PRUNE2: variants seen among roughly 807,000 people sequenced by gnomAD.
PRUNE2 encodes the protein protein prune homolog 2.
In PRUNE2, 164 loss-of-function variants were observed where a neutral mutation model predicts 252.0. That is an observed-to-expected ratio of 0.65 (90% CI 0.57 to 0.74). The LOEUF (loss-of-function observed/expected upper bound fraction) is 0.74. Among genes scored for constraint, PRUNE2 ranks in the 30% least tolerant of loss-of-function variants. PRUNE2 has a pLI of 0.00. For synonymous variants in PRUNE2, 1,292 were observed against 1,350.2 expected (o/e 0.96, Z 0.94); for missense variants, 3,495 against 3,711.0 (o/e 0.94, Z 1.51).
intron 6 of PRUNE2, among the ~76,000 whole-genome samples, chr9:76,736,082 T>C (rs1022609428): frequency 1.3e-5 from 2 of 152,192 alleles, no homozygotes; most frequent in Non-Finnish European, 2.9e-5. Flanking sequence ...ATACCAAATT[T>C]GCATAGCTGA....
At chr9:76,756,799 A>G (rs1035746703) in intron 6 of PRUNE2, among the ~76,000 whole-genome samples, 1 of 152,110 alleles carries the variant, frequency 6.6e-6, no homozygotes, top group African/African-American at 2.4e-5. Flanking sequence ...CACCAGGGAC[A>G]GGGGGGTGCC....
At chr9:76,790,959 T>A (rs1187890720) in intron 6 of PRUNE2, among the ~76,000 whole-genome samples, 3 of 152,240 alleles carry the variant, frequency 2.0e-5, no homozygotes, top group Non-Finnish European at 4.4e-5. Context: ...CTATTTGGAA[T>A]TCAAGTTTAA....
At chr9:76,795,954 A>AT (rs1379241575) in intron 6 of PRUNE2, among the ~76,000 whole-genome samples, 2 of 152,228 alleles carry the variant, frequency 1.3e-5, no homozygotes, top group African/African-American at 4.8e-5. Context: ...TTGGGACTAT[A>AT]AGACTACCGT....
chr9:76,861,559 T>TC (rs1035640232), intron 1 of PRUNE2, among the ~76,000 whole-genome samples: 18 of 151,930 alleles, frequency 1.2e-4, no homozygotes, highest in African/African-American at 4.4e-4. Flanking sequence ...AAGCCTCAGT[T>TC]CCCCCCGGTC....
At chr9:76,811,045 G>T (rs899139336) in intron 6 of PRUNE2, among the ~76,000 whole-genome samples, 2 of 152,132 alleles carry the variant, frequency 1.3e-5, no homozygotes. Context: ...GGAGGGGAGA[G>T]AGAATATAAA....
intron 9 of PRUNE2, among the ~76,000 whole-genome samples, chr9:76,655,943 T>G (rs1420485911): frequency 6.6e-6 from 1 of 152,230 alleles, no homozygotes; most frequent in Admixed American, 6.5e-5. Context: ...ATCTCAGTTT[T>G]CATTTGTAAA....
intron 4 of PRUNE2, among the ~76,000 whole-genome samples, chr9:76,843,201 T>C (rs758953731): frequency 2.0e-4 from 30 of 152,246 alleles, no homozygotes; most frequent in Non-Finnish European, 3.7e-4. Flanking sequence ...GAAACCACCA[T>C]TTCTCAGCAA....
At chr9:76,866,215 C>T (rs1244807213) in intron 1 of PRUNE2, among the ~76,000 whole-genome samples, 1 of 152,180 alleles carries the variant, frequency 6.6e-6, no homozygotes, top group South Asian at 2.1e-4. Context: ...AATTAGCTAC[C>T]AGGTGTTTCT....
chr9:76,832,211 G>A (rs2058709802), intron 4 of PRUNE2, among the ~76,000 whole-genome samples: 1 of 151,996 alleles, frequency 6.6e-6, no homozygotes. Context: ...GAACCAGCAG[G>A]AAAAAGTATG....
chr9:76,895,473 G>A lies in PRUNE2; in HGVS notation c.36+10455C>T, dbSNP rs148302765. 4.6e-3 allele frequency among the ~76,000 whole-genome samples: 706 copies of A among 152,306 alleles called. 6 individuals are homozygous for A. The highest frequency in any genetic ancestry group is 0.016 in the African/African-American group (661 of 41,568). ...CTCAAGAACAAGGTCTCCTATGCAA[G>A]AGGCTTTGTCAGACAACCGAAGCCT... On this transcript the variant is annotated intron_variant, in intron 1 of 18. Transcript: ENST00000376718.
chr9:76,839,228 A>T (rs1016057847), intron 4 of PRUNE2, among the ~76,000 whole-genome samples: 1 of 152,212 alleles, frequency 6.6e-6, no homozygotes, highest in Non-Finnish European at 1.5e-5. Context: ...AATTCCTTTT[A>T]TGACAGTGTT....
chr9:76,627,264 C>A (rs1455736004), intron 16 of PRUNE2, among the ~76,000 whole-genome samples: 2 of 127,912 alleles, frequency 1.6e-5, no homozygotes, highest in Non-Finnish European at 3.2e-5. Flanking sequence ...CCACACCCGG[C>A]TAATTTTTGT....
intron 11 of PRUNE2, among the ~76,000 whole-genome samples, chr9:76,648,130 C>T (rs1335926690): frequency 6.6e-6 from 1 of 152,192 alleles, no homozygotes; most frequent in Non-Finnish European, 1.5e-5. Context: ...GATACCACTA[C>T]ATACCTATTA....
chr9:76,888,946 G>A (rs778341756), intron 1 of PRUNE2, among the ~76,000 whole-genome samples: 11 of 152,012 alleles, frequency 7.2e-5, no homozygotes, highest in Non-Finnish European at 1.2e-4. Context: ...AGGTTCAAGC[G>A]ATTCTCCTGC....
chr9:76,794,177 A>T (rs1564319109), intron 6 of PRUNE2, among the ~76,000 whole-genome samples: 1 of 152,206 alleles, frequency 6.6e-6, no homozygotes, highest in Non-Finnish European at 1.5e-5. Flanking sequence ...CTAGGTTTTT[A>T]AGTATCTTTT....
At chr9:76,805,219 G>A (rs2056850102) in intron 6 of PRUNE2, among the ~76,000 whole-genome samples, 1 of 152,210 alleles carries the variant, frequency 6.6e-6, no homozygotes, top group Non-Finnish European at 1.5e-5. Context: ...CCGCATGCAA[G>A]TGAGGCCACC....
intron 1 of PRUNE2, among the ~76,000 whole-genome samples, chr9:76,881,058 C>G (rs1000146334): frequency 9.2e-5 from 14 of 151,962 alleles, no homozygotes; most frequent in South Asian, 2.1e-4. Context: ...CCTCCCTCCC[C>G]CTGGGTTCAA....
At chr9:76,795,811 A>AT (rs2056043160) in intron 6 of PRUNE2, among the ~76,000 whole-genome samples, 1 of 152,160 alleles carries the variant, frequency 6.6e-6, no homozygotes, top group African/African-American at 2.4e-5. Context: ...CCAGGTGTAC[A>AT]TAAAAATCAC....
chr9:76,684,447 T>G (rs2043845285), intron 9 of PRUNE2, among the ~76,000 whole-genome samples: 1 of 152,198 alleles, frequency 6.6e-6, no homozygotes, highest in African/African-American at 2.4e-5. Context: ...GTCCCTGTGC[T>G]CCCTTCCTGT....
Sources: allele counts gnomAD v4.1 joint callset (sites outside exome capture counted in the v4.1 genomes callset), GRCh38; gene constraint gnomAD v4.1.1; transcripts MANE v1.5; gene names NCBI Gene and HGNC (gene_info 2026-07-23, HGNC 2026-07-21).